The following DUOX1 variants were observed in gnomAD, a reference collection of about 807,000 sequenced individuals.
The protein encoded by DUOX1 is dual oxidase 1.
A neutral mutation model predicts 181.8 loss-of-function variants in DUOX1; 134 were observed. The observed-to-expected ratio is 0.74, with a 90% CI of 0.64 to 0.85. DUOX1 has a LOEUF of 0.85. Among genes scored for constraint, DUOX1 ranks in the 40% least tolerant of loss-of-function variants. The pLI is 0.00. For missense variants in DUOX1, 1,814 were observed against 2,064.4 expected (o/e 0.88, Z 2.35); for synonymous variants, 798 against 832.5 (o/e 0.96, Z 0.71).
In DUOX1 at chr15:45,143,352, G is replaced by A. The variant is rs373763083; in HGVS notation, c.1936+49G>A. The A allele has an allele frequency of 1.3e-5, 19 of 1,469,240 alleles. No homozygotes were observed. In the African/African-American group the frequency reaches 1.7e-4, roughly 13 times the overall value. 91.0% of individuals were successfully genotyped at this position (1,469,240 alleles called of 1,614,324 possible). A position where few individuals can be genotyped will look rare whatever the true frequency, so the allele number is the denominator to read the frequency against. On this transcript the variant is annotated intron_variant, in intron 16 of 33. Transcript: ENST00000389037. ...GGTGGTAGGGAGGACATGGCTCAGC[G>A]CTACAGCTACCCACCTCCACCCCAG...
chr15:45,138,109 T>TGTGA, intron 10 of DUOX1, 95 bp downstream of exon 10: 62 of 931,582 alleles, frequency 6.7e-5, no homozygotes, highest in South Asian at 1.0e-4. Flanking sequence ...TGTGTGTGAG[T>TGTGA]GCATGGTGAA....
Position 45,144,251 on chromosome 15 carries a change from C to T in DUOX1, c.2136+16C>T. 1.2e-6 allele frequency: 2 copies of T among 1,613,360 alleles called. No individual in the cohort carries two copies. The highest frequency in any genetic ancestry group is 1.7e-6 in the Non-Finnish European group (2 of 1,179,968). On this transcript the variant is annotated intron_variant, in intron 17 of 33. Coordinates refer to ENST00000389037, the MANE Select transcript of DUOX1 (RefSeq NM_175940.3). ...GTATGACCTGGTATGGCTCAGCTGG[C>T]ATCTGGCTCCTTGTCCACAGCCAAG...
intron 12 of DUOX1, 79 bp from the exon 13 acceptor site, chr15:45,140,816 C>G: frequency 1.4e-6 from 2 of 1,408,164 alleles, no homozygotes; most frequent in South Asian, 2.4e-5. Context: ...ATCCCTGGGG[C>G]TAATCCCTGG....
rs1461452065 is a variant in DUOX1, at chr15:45,160,966, G to A, written c.3832G>A (p.Val1278Met). Residue 1278 changes from valine to methionine, a missense_variant, in exon 29 of 34, where the codon GTG (valine) becomes ATG (methionine). Transcript: ENST00000389037. ...CCGGAAGAAGGTGGAGATCAGCGTG[G>A]TGAAGGCGGAGCTGCTGCCCTCAGG... ...LSRKKVEISVVKAELLPSGVT... is the reference protein window; with the variant it reads ...LSRKKVEISVMKAELLPSGVT... 5 of 1,614,070 alleles carry A rather than the reference G, an allele frequency of 3.1e-6. No individual in the cohort carries two copies. The highest frequency in any genetic ancestry group is 1.7e-5 in the Admixed American group (1 of 59,998).
chr15:45,151,564 G>A (rs766486420), intron 23 of DUOX1, among the ~76,000 whole-genome samples: 2 of 152,144 alleles, frequency 1.3e-5, no homozygotes, highest in Admixed American at 1.3e-4. Context: ...GAATATGGGC[G>A]CCGGGTGGGA....
intron 14 of DUOX1, 139 bp from the exon 15 acceptor site, chr15:45,141,836 C>A: frequency 1.1e-6 from 1 of 884,210 alleles, no homozygotes; most frequent in Non-Finnish European, 1.7e-6. Context: ...TTTTACCCCA[C>A]TTGTTACCCA....
intron 19 of DUOX1, 38 bp from the exon 20 acceptor site, chr15:45,147,866 A>C: frequency 6.3e-7 from 1 of 1,580,172 alleles, no homozygotes; most frequent in Non-Finnish European, 8.7e-7. Context: ...TCAGGCAGGC[A>C]GGCGGGGGCT....
chr15:45,143,350 G>T (rs774420733), intron 16 of DUOX1, 47 bp downstream of exon 16: 4 of 1,488,800 alleles, frequency 2.7e-6, no homozygotes, highest in Non-Finnish European at 3.7e-6. Context: ...ACATGGCTCA[G>T]CGCTACAGCT....
In DUOX1 at chr15:45,141,034, A is replaced by G; in HGVS notation, c.1529A>G (p.Asp510Gly). The G allele has an allele frequency of 6.2e-7, 1 of 1,614,114 alleles. No individual in the cohort carries two copies. Among genetic ancestry groups the G allele is most frequent in the South Asian group, 1.1e-5 (1 of 91,074 alleles). Reference sequence around the variant, plus strand: ...CTTGAACAATTTGTGCGGCTACGGGATGGTGACCGCTACTGGTTTGAGAAC... The same window carrying G: ...CTTGAACAATTTGTGCGGCTACGGGGTGGTGACCGCTACTGGTTTGAGAAC... ...IVLEQFVRLR[D>G]GDRYWFENTR... Residue 510 changes from aspartate to glycine, a missense_variant, in exon 13 of 34, where the codon GAT becomes GGT. Transcript: ENST00000389037.
intron 17 of DUOX1, among the ~76,000 whole-genome samples, chr15:45,144,670 T>C (rs1185533461): frequency 6.6e-6 from 1 of 152,240 alleles, no homozygotes; most frequent in African/African-American, 2.4e-5. Flanking sequence ...TTCTCCAGTA[T>C]GGAATAGAGG....
At position 45,163,514 on chromosome 15, in the gene DUOX1, C is replaced by T. The variant is rs1897155509; in HGVS notation, c.4249-18C>T. On this transcript the variant is annotated intron_variant, in intron 31 of 33. Transcript: ENST00000389037. The stretch of plus-strand genomic sequence containing the variant: ...ACTGAGCTGAGATGGGTCCTGAACT[C>T]CAGCCCTGTGTCCCCAGATCTACTT... The T allele has an allele frequency of 6.2e-7, 1 of 1,613,508 alleles. No individual in the cohort carries two copies. Among genetic ancestry groups the T allele is most frequent in the Non-Finnish European group, 8.5e-7 (1 of 1,179,976 alleles).
chr15:45,152,225 C>G, intron 24 of DUOX1, 61 bp from the exon 25 acceptor site: 3 of 1,528,870 alleles, frequency 2.0e-6, no homozygotes, highest in Non-Finnish European at 2.7e-6. Context: ...GCCTACCGCC[C>G]CTAACCAGCT....
chr15:45,140,779 T>A lies in DUOX1; in HGVS notation c.1390-116T>A, dbSNP rs1896468643. ...ATAATAAGCACTGTATAGGAGTGAG[T>A]TACTGTTACTGTCATTTATTATTAT... is the stretch of plus-strand genomic sequence containing the variant. On this transcript the variant is annotated intron_variant, in intron 12 of 33. Coordinates refer to ENST00000389037, the MANE Select transcript of DUOX1 (RefSeq NM_175940.3). 3 of 1,025,770 alleles carry A rather than the reference T, an allele frequency of 2.9e-6. No individual in the cohort carries two copies. The African/African-American group carries it at 4.8e-5, about 16-fold the overall frequency. The allele number at this position is 1,025,770 out of a possible 1,614,324, so 63.5% of individuals were successfully genotyped here.
At chr15:45,137,824 T>C in intron 9 of DUOX1, 100 bp from the exon 10 acceptor site, 2 of 902,856 alleles carry the variant, frequency 2.2e-6, no homozygotes, top group Non-Finnish European at 3.3e-6. Context: ...GGAAAGACGA[T>C]GGCCTGGGGT....
rs566922852 is a variant in DUOX1, at chr15:45,148,018, A to C, written c.2642+21A>C. ...CTGAGGTTTGTTCTCTGGGACAGCC[A>C]GGAGAATGGGCCAGGGCAGGGATGC... On this transcript the variant is annotated intron_variant, in intron 20 of 33. Transcript: ENST00000389037. 4 of 1,600,540 alleles carry C rather than the reference A, an allele frequency of 2.5e-6. No individual in the cohort carries two copies. The Admixed American group carries it at 6.7e-5, about 27-fold the overall frequency.
At chr15:45,142,209 C>A in intron 15 of DUOX1, 97 bp downstream of exon 15, 1 of 1,361,896 alleles carries the variant, frequency 7.3e-7, no homozygotes, top group Non-Finnish European at 1.0e-6. Context: ...GCAAACCACA[C>A]AGAGCATGGT....
In DUOX1 at chr15:45,144,937, G is replaced by C; in HGVS notation, c.2179G>C (p.Glu727Gln). The C allele has an allele frequency of 6.2e-7, 1 of 1,613,590 alleles. No homozygotes were observed. Among genetic ancestry groups the C allele is most frequent in the Non-Finnish European group, 8.5e-7 (1 of 1,179,866 alleles). The part of the protein sequence containing the change: ...NLEEERQALV[E>Q]NLRGALKESG... ...GGAGGAAGAGCGGCAGGCGCTGGTG[G>C]AAAATCTCCGGGGAGCTCTGAAGGA... Residue 727 changes from glutamate to glutamine, a missense_variant, in exon 18 of 34, where the codon GAA (glutamate) becomes CAA (glutamine). Glu to Gln is a conservative substitution (Grantham distance 29). Transcript: ENST00000389037.
intron 20 of DUOX1, 121 bp from the exon 21 acceptor site, chr15:45,148,151 T>G: frequency 6.7e-7 from 1 of 1,487,428 alleles, no homozygotes; most frequent in Non-Finnish European, 9.3e-7. Context: ...GGGCTTGGGA[T>G]GTGGCCAGTC....
chr15:45,136,727 G>A (rs1380782497), intron 9 of DUOX1, 102 bp downstream of exon 9: 2 of 1,078,926 alleles, frequency 1.9e-6, no homozygotes, highest in Non-Finnish European at 2.8e-6. Context: ...TCAGTCTGAA[G>A]TGTCCCCAAG....
Sources: gnomAD v4.1 joint callset for allele counts (sites outside exome capture counted in the v4.1 genomes callset) on GRCh38, gnomAD v4.1.1 for gene constraint, MANE v1.5 for transcripts, NCBI Gene and HGNC (gene_info 2026-07-23, HGNC 2026-07-21) for gene names.